The following LILRB1 variants were observed in gnomAD, a reference collection of about 807,000 sequenced individuals.
LILRB1 encodes the protein leukocyte immunoglobulin like receptor B1, also known as leukocyte immunoglobulin-like receptor subfamily B member 1.
Under a neutral mutation model 74.6 loss-of-function variants are expected in LILRB1, and 59 were observed. The observed-to-expected ratio is 0.79, with a 90% CI of 0.64 to 0.98. LILRB1 has a LOEUF of 0.98. Among genes scored for constraint, LILRB1 ranks in the 50% least tolerant of loss-of-function variants. The probability of loss-of-function intolerance (pLI) is 0.00; values close to 1 mark genes in which losing one functional copy is unlikely to be tolerated. For synonymous variants in LILRB1, 328 were observed against 333.9 expected (o/e 0.98, Z 0.19); for missense variants, 804 against 822.6 (o/e 0.98, Z 0.28).
intron 6 of LILRB1, 104 bp from the exon 7 acceptor site, chr19:54,632,910 CAG>C (rs2064024694): frequency 6.5e-7 from 1 of 1,546,908 alleles, no homozygotes; most frequent in African/African-American, 1.4e-5. Context: ...GGGGGAGACT[CAG>C]AGAAAACAGA....
chr19:54,635,579 G>T lies in LILRB1; in HGVS notation c.1623G>T (p.Gln541His), dbSNP rs755231026. ...CAGATGCTGCCGTGAAGCACACACA[G>T]CCTGAGGATGGGGTGGAGATGGACA... ...ENLYAAVKHT[Q>H]PEDGVEMDTR... is the part of the protein sequence containing the mutation. The change falls in exon 13 of 15, where the codon CAG becomes CAT. Residue 541 changes from glutamine (Q) to histidine (H), a missense_variant. Transcript: ENST00000324602. The T allele has an allele frequency of 5.6e-6, 9 of 1,613,910 alleles. No individual in the cohort carries two copies. The Admixed American group carries it at 1.5e-4, about 27-fold the overall frequency.
At chr19:54,635,447 C>T (rs2064311711) in intron 12 of LILRB1, 110 bp from the exon 13 acceptor site, 1 of 1,513,724 alleles carries the variant, frequency 6.6e-7, no homozygotes. Context: ...GACATCGCAG[C>T]CCCTCCCTGC....
rs1213098056 is a variant in LILRB1 at position 54,635,543 on chromosome 19, C to T, written c.1601-14C>T. ...ACCTTCCCAAGAGACAAACCCCTTGCTCTGCCCCAGCAGATGCTGCCGTGA... is the reference window on the plus strand; with the variant it reads ...ACCTTCCCAAGAGACAAACCCCTTGTTCTGCCCCAGCAGATGCTGCCGTGA... On this transcript the variant is annotated splice_polypyrimidine_tract_variant and intron_variant, in intron 12 of 14. Transcript: ENST00000324602. The T allele has an allele frequency of 6.2e-7, 1 of 1,609,840 alleles. No homozygotes were observed. The highest frequency in any genetic ancestry group is 8.5e-7 in the Non-Finnish European group (1 of 1,177,764).
chr19:54,634,759 A>G lies in LILRB1; in HGVS notation c.1482A>G (p.Thr494=), dbSNP rs749283988. Residue 494 remains threonine (T), a synonymous_variant, in exon 10 of 15, where the codon ACA becomes ACG. Coordinates refer to ENST00000324602, the MANE Select transcript of LILRB1 (RefSeq NM_001081637.3). ...ATCGACGTCAGGGCAAACACTGGAC[A>G]TCGAGTGAGTAGGGAATGGGGGGAC... The part of the protein sequence containing the change: ...LRHRRQGKHW[T]STQRKADFQH... The G allele has an allele frequency of 6.2e-6, 10 of 1,613,820 alleles. No individual in the cohort carries two copies. The highest frequency in any genetic ancestry group is 2.2e-5 in the South Asian group (2 of 91,020).
upstream of LILRB1, among the ~76,000 whole-genome samples, chr19:54,629,011 G>T (rs1017035818): frequency 6.6e-6 from 1 of 152,212 alleles, no homozygotes; most frequent in Non-Finnish European, 1.5e-5. Context: ...ACACACTGTG[G>T]CTTGCCATGC....
At chr19:54,634,176 C>A (rs147154418) in intron 9 of LILRB1, 155 bp downstream of exon 9, 58 of 1,503,990 alleles carry the variant, frequency 3.9e-5, no homozygotes, top group South Asian at 5.2e-5. Flanking sequence ...GAGAGGCCTG[C>A]GGGTGGGAAA....
chr19:54,625,942 CCG>C (rs2063575540), upstream of LILRB1, among the ~76,000 whole-genome samples: 92 of 152,266 alleles, frequency 6.0e-4, no homozygotes, highest in African/African-American at 1.7e-3. Flanking sequence ...CACCCCTTCC[CCG>C]TGTTAGAGAA....
At chr19:54,628,518 T>C (rs1211643149), upstream of LILRB1, among the ~76,000 whole-genome samples, 1 of 152,124 alleles carries the variant, frequency 6.6e-6, no homozygotes, top group Non-Finnish European at 1.5e-5. Context: ...TTTGATTAAT[T>C]TGCTGTAGCA....
At chr19:54,621,840 A>G (rs1273340892) in intron 1 of LILRB1, among the ~76,000 whole-genome samples, 1 of 152,128 alleles carries the variant, frequency 6.6e-6, no homozygotes, top group Non-Finnish European at 1.5e-5. Flanking sequence ...GAGGTCTTTA[A>G]TTCATCTTGA....
chr19:54,621,575 G>T (rs2063458769), intron 1 of LILRB1, among the ~76,000 whole-genome samples: 1 of 150,952 alleles, frequency 6.6e-6, no homozygotes, highest in South Asian at 2.1e-4. Flanking sequence ...CTTCCTTGCA[G>T]ATTCTGGACA....
chr19:54,621,693 A>T (rs983291672), intron 1 of LILRB1, among the ~76,000 whole-genome samples: 2 of 151,940 alleles, frequency 1.3e-5, no homozygotes, highest in Admixed American at 6.6e-5. Context: ...TTTAATTTTA[A>T]TCATGTCTCA....
At chr19:54,620,019 G>T (rs1222709852) in intron 1 of LILRB1, among the ~76,000 whole-genome samples, 1 of 146,864 alleles carries the variant, frequency 6.8e-6, no homozygotes, top group African/African-American at 2.5e-5. Flanking sequence ...AAATGTTTTT[G>T]GTGATGCATA....
In LILRB1 at chr19:54,635,267, C is replaced by T. The variant is rs1180102509; in HGVS notation, c.1571C>T (p.Pro524Leu). ...TDRGLQWRSS[P>L]AADAQEENLY... Reference sequence around the variant, plus strand: ...TCCCATTCTTCCCCCAGGTCCAGCCCAGCTGCCGATGCCCAGGAAGAAAAC... The same window carrying T: ...TCCCATTCTTCCCCCAGGTCCAGCCTAGCTGCCGATGCCCAGGAAGAAAAC... Residue 524 changes from proline to leucine, a missense_variant, in exon 12 of 15, where the codon CCA becomes CTA. Coordinates refer to ENST00000324602, the MANE Select transcript of LILRB1 (RefSeq NM_001081637.3). 6.2e-7 allele frequency: 1 copy of T among 1,612,472 alleles called. No individual in the cohort carries two copies. The highest frequency in any genetic ancestry group is 1.7e-5 in the Admixed American group (1 of 59,996).
chr19:54,630,830 C>A, intron 1 of LILRB1, 196 bp from the exon 2 acceptor site: 1 of 796,844 alleles, frequency 1.3e-6, no homozygotes, highest in South Asian at 1.6e-5. Context: ...GGCTGGGGGT[C>A]AGGAAAGGGC....
chr19:54,632,901 G>T, intron 6 of LILRB1, 115 bp from the exon 7 acceptor site: 1 of 1,538,654 alleles, frequency 6.5e-7, no homozygotes, highest in Non-Finnish European at 8.8e-7. Flanking sequence ...GGGCGGGGAG[G>T]GGGAGACTCA....
At chr19:54,621,591 C>CTT (rs1234072329) in intron 1 of LILRB1, among the ~76,000 whole-genome samples, 6 of 149,524 alleles carry the variant, frequency 4.0e-5, no homozygotes, top group Non-Finnish European at 8.9e-5. Flanking sequence ...GGACATTAGT[C>CTT]TTTTGTTGGA....
At chr19:54,631,157 CCA>C (rs778627711) in intron 2 of LILRB1, 50 bp downstream of exon 2, 11 of 1,613,796 alleles carry the variant, frequency 6.8e-6, no homozygotes. Context: ...GGACCTCACC[CCA>C]CAGCCAAACT....
intron 1 of LILRB1, among the ~76,000 whole-genome samples, chr19:54,624,339 G>T (rs2063525629): frequency 6.6e-6 from 1 of 152,022 alleles, no homozygotes; most frequent in African/African-American, 2.4e-5. Flanking sequence ...GGGCTCATGA[G>T]TCTCAGTTCA....
At position 54,635,579 on chromosome 19, in the gene LILRB1, G is replaced by A. The variant is rs755231026; in HGVS notation, c.1623G>A (p.Gln541=). ...CAGATGCTGCCGTGAAGCACACACA[G>A]CCTGAGGATGGGGTGGAGATGGACA... ...ENLYAAVKHT[Q]PEDGVEMDTR... is the part of the protein sequence containing the mutation. Residue 541 remains glutamine, a synonymous_variant, in exon 13 of 15, where the codon CAG becomes CAA. Coordinates refer to ENST00000324602, the MANE Select transcript of LILRB1 (RefSeq NM_001081637.3). 1.2e-6 allele frequency: 2 copies of A among 1,613,792 alleles called. No individual in the cohort carries two copies. Among genetic ancestry groups the A allele is most frequent in the Non-Finnish European group, 1.7e-6 (2 of 1,179,906 alleles).
Sources: allele counts gnomAD v4.1 joint callset (sites outside exome capture counted in the v4.1 genomes callset), GRCh38; gene constraint gnomAD v4.1.1; transcripts MANE v1.5; gene names NCBI Gene and HGNC (gene_info 2026-07-23, HGNC 2026-07-21).